Variants in NKAIN2 observed in about 807,000 individuals in gnomAD.
NKAIN2 encodes the protein sodium/potassium-transporting ATPase subunit beta-1-interacting protein 2.
A neutral mutation model predicts 32.6 loss-of-function variants in NKAIN2; 14 were observed. That is an observed-to-expected ratio of 0.43 (90% confidence interval 0.28 to 0.67). The LOEUF is 0.67. Among genes scored for constraint, NKAIN2 ranks in the 30% least tolerant of loss-of-function variants. The pLI is 0.17. For synonymous variants in NKAIN2, 80 were observed against 87.2 expected (o/e 0.92, Z 0.46); for missense variants, 198 against 258.3 (o/e 0.77, Z 1.60).
chr6:124,591,135 A>C (rs1383016428), intron 3 of NKAIN2, among the ~76,000 whole-genome samples: 1 of 152,202 alleles, frequency 6.6e-6, no homozygotes, highest in African/African-American at 2.4e-5. Flanking sequence ...AATTCTAGAG[A>C]AGTCAAGAAG....
intron 4 of NKAIN2, among the ~76,000 whole-genome samples, chr6:124,789,709 C>G (rs1301964555): frequency 1.3e-5 from 2 of 151,884 alleles, no homozygotes; most frequent in Admixed American, 1.3e-4. Flanking sequence ...ACTCGGAACT[C>G]TAAAAATAAG....
chr6:124,024,112 A>G (rs905225818), intron 1 of NKAIN2, among the ~76,000 whole-genome samples: 3 of 152,168 alleles, frequency 2.0e-5, no homozygotes, highest in Non-Finnish European at 2.9e-5. Context: ...CTGCACTTGT[A>G]CATACCAGAT....
intron 1 of NKAIN2, among the ~76,000 whole-genome samples, chr6:124,145,960 C>T (rs1787377561): frequency 6.6e-6 from 1 of 152,002 alleles, no homozygotes; most frequent in African/African-American, 2.4e-5. Context: ...GGAGTAGGTA[C>T]ATGAAACTAT....
intron 1 of NKAIN2, among the ~76,000 whole-genome samples, chr6:123,978,326 G>A (rs973295299): frequency 9.2e-5 from 14 of 152,118 alleles, no homozygotes; most frequent in African/African-American, 3.4e-4. Context: ...GCTGCTGTGT[G>A]TACCACTTTC....
At chr6:124,381,217 A>C (rs1772619336) in intron 3 of NKAIN2, among the ~76,000 whole-genome samples, 1 of 152,164 alleles carries the variant, frequency 6.6e-6, no homozygotes, top group South Asian at 2.1e-4. Context: ...AATTTGTTTG[A>C]AAATATGTAG....
chr6:124,384,721 G>C (rs1477919489), intron 3 of NKAIN2, among the ~76,000 whole-genome samples: 1 of 145,880 alleles, frequency 6.9e-6, no homozygotes, highest in East Asian at 1.9e-4. Flanking sequence ...CAACCTCCTG[G>C]GTTCAAGCGA....
Position 124,008,485 on chromosome 6 carries a change from T to A in NKAIN2, c.54+204231T>A, listed in dbSNP as rs139158615. ...CTTTTATTCCCTAAAGAACTCAGTC[T>A]TACCCAGAGCACCCTTGGTAAAAGG... On this transcript the variant is annotated intron_variant, in intron 1 of 6. Transcript: ENST00000368417. Among the ~76,000 whole-genome samples the A allele has an allele frequency of 1.6e-4, 13 of 79,764 alleles. No individual in the cohort carries two copies. The East Asian group carries it at 5.9e-3, about 36-fold the overall frequency. The allele number at this position is 79,764 out of a possible 152,430, so 52.3% of individuals were successfully genotyped here.
intron 3 of NKAIN2, among the ~76,000 whole-genome samples, chr6:124,630,085 G>C (rs1285146179): frequency 6.6e-6 from 1 of 152,112 alleles, no homozygotes; most frequent in Non-Finnish European, 1.5e-5. Flanking sequence ...AAGTGTCTGG[G>C]GTGTTGAGTA....
intron 1 of NKAIN2, among the ~76,000 whole-genome samples, chr6:124,119,744 T>C (rs1013875323): frequency 6.6e-6 from 1 of 152,144 alleles, no homozygotes; most frequent in Non-Finnish European, 1.5e-5. Flanking sequence ...ATTAAAACAG[T>C]CCATGTGAGC....
At chr6:123,911,785 A>ATATATATG (rs1775194613) in intron 1 of NKAIN2, among the ~76,000 whole-genome samples, 3 of 89,674 alleles carry the variant, frequency 3.3e-5, no homozygotes, top group African/African-American at 1.6e-4. Context: ...ATACATACAT[A>ATATATATG]TATATATATA....
chr6:124,778,824 T>C (rs1779102387), intron 4 of NKAIN2, among the ~76,000 whole-genome samples: 1 of 152,106 alleles, frequency 6.6e-6, no homozygotes, highest in African/African-American at 2.4e-5. Context: ...AGCCAATTAA[T>C]ACATATACTA....
At chr6:124,197,042 G>C (rs895918010) in intron 1 of NKAIN2, among the ~76,000 whole-genome samples, 1 of 151,246 alleles carries the variant, frequency 6.6e-6, no homozygotes, top group African/African-American at 2.4e-5. Context: ...GGAATAGTAT[G>C]CTTATTGGTA....
At chr6:124,606,510 CACA>C (rs1049347115) in intron 3 of NKAIN2, among the ~76,000 whole-genome samples, 3 of 151,902 alleles carry the variant, frequency 2.0e-5, no homozygotes, top group African/African-American at 7.2e-5. Flanking sequence ...TTAAAAACAT[CACA>C]ACATTTATCT....
At position 124,455,737 on chromosome 6, in the gene NKAIN2, G is replaced by C. The variant is rs149549193; in HGVS notation, c.273+100390G>C. 6.8e-3 allele frequency among the ~76,000 whole-genome samples: 1,035 copies of C among 151,716 alleles called. 7 individuals are homozygous for C. Among genetic ancestry groups the C allele is most frequent in the Non-Finnish European group, 0.01 (701 of 67,862 alleles). On this transcript the variant is annotated intron_variant, in intron 3 of 6. Coordinates refer to ENST00000368417, the MANE Select transcript of NKAIN2 (RefSeq NM_001040214.3). ...ATCCTCAGAATAATGTTGACAAGTTGGTATTCTTTGGACATTTGCATGTGC... is the reference window on the plus strand; with the variant it reads ...ATCCTCAGAATAATGTTGACAAGTTCGTATTCTTTGGACATTTGCATGTGC...
intron 3 of NKAIN2, among the ~76,000 whole-genome samples, chr6:124,624,326 A>G (rs1783220001): frequency 6.6e-6 from 1 of 152,196 alleles, no homozygotes; most frequent in Admixed American, 6.5e-5. Flanking sequence ...GAATAAGAGC[A>G]TAAAAAGGAA....
intron 2 of NKAIN2, among the ~76,000 whole-genome samples, chr6:124,349,245 C>G (rs1214136962): frequency 6.6e-6 from 1 of 152,016 alleles, no homozygotes; most frequent in Non-Finnish European, 1.5e-5. Context: ...TACCCCCTCA[C>G]AGATTGAATC....
intron 1 of NKAIN2, among the ~76,000 whole-genome samples, chr6:124,221,164 C>T (rs1479425197): frequency 1.3e-5 from 2 of 151,576 alleles, no homozygotes; most frequent in African/African-American, 4.9e-5. Context: ...CCCAAATGTC[C>T]AACAATGATA....
At chr6:124,507,508 G>T (rs973339821) in intron 3 of NKAIN2, among the ~76,000 whole-genome samples, 1 of 152,054 alleles carries the variant, frequency 6.6e-6, no homozygotes, top group Non-Finnish European at 1.5e-5. Context: ...GCTTTTGGTA[G>T]TCAGCGTATC....
chr6:124,668,897 T>A (rs911646242), intron 4 of NKAIN2, among the ~76,000 whole-genome samples: 8 of 152,158 alleles, frequency 5.3e-5, no homozygotes, highest in African/African-American at 1.9e-4. Flanking sequence ...ATCTTTATTG[T>A]CCTTTAATTG....
Sources: gnomAD v4.1 joint callset for allele counts (sites outside exome capture counted in the v4.1 genomes callset) on GRCh38, gnomAD v4.1.1 for gene constraint, MANE v1.5 for transcripts, NCBI Gene and HGNC (gene_info 2026-07-23, HGNC 2026-07-21) for gene names.